The following CDC14A variants were observed in gnomAD, a reference collection of about 807,000 sequenced individuals.
CDC14A encodes the protein cell division cycle 14A, also known as dual specificity protein phosphatase CDC14A.
In CDC14A, 53 loss-of-function variants were observed where a neutral mutation model predicts 74.4. The ratio of observed to expected loss-of-function variants is 0.71; its 90% CI spans 0.57 to 0.89. CDC14A has a LOEUF of 0.89. Ranked by LOEUF, CDC14A falls within the 40% of genes least tolerant of loss-of-function variation. The probability of loss-of-function intolerance (pLI) is 0.00; values close to 1 mark genes in which losing one functional copy is unlikely to be tolerated. For missense variants in CDC14A, 646 were observed against 713.7 expected (o/e 0.91, Z 1.08); for synonymous variants, 247 against 258.4 (o/e 0.96, Z 0.43).
At chr1:100,472,228 C>CTATT (rs1317258430) in intron 10 of CDC14A, among the ~76,000 whole-genome samples, 1 of 152,150 alleles carries the variant, frequency 6.6e-6, no homozygotes, top group Non-Finnish European at 1.5e-5. Context: ...CCCTCATTAG[C>CTATT]TATTTCTTAT....
intron 4 of CDC14A, among the ~76,000 whole-genome samples, chr1:100,411,914 T>C (rs972431623): frequency 6.6e-6 from 1 of 152,136 alleles, no homozygotes; most frequent in Non-Finnish European, 1.5e-5. Flanking sequence ...AGATGCCCTC[T>C]TTGGGGTGGT....
chr1:100,377,817 C>T (rs1317918918), intron 3 of CDC14A, among the ~76,000 whole-genome samples, 196 bp downstream of exon 3: 3 of 152,170 alleles, frequency 2.0e-5, no homozygotes, highest in Non-Finnish European at 4.4e-5. Context: ...TTTCAGTTTT[C>T]AGAATGAATT....
chr1:100,467,407 G>T (rs1005993144), intron 9 of CDC14A, among the ~76,000 whole-genome samples: 1 of 148,878 alleles, frequency 6.7e-6, no homozygotes, highest in African/African-American at 2.5e-5. Context: ...ACACACGCGC[G>T]CACACACACA....
At chr1:100,477,180 T>C (rs1668985500) in intron 10 of CDC14A, among the ~76,000 whole-genome samples, 1 of 152,146 alleles carries the variant, frequency 6.6e-6, no homozygotes, top group Admixed American at 6.6e-5. Context: ...TCCAGATCTG[T>C]AAGAAAGTAA....
At chr1:100,417,935 T>C (rs1661737890) in intron 4 of CDC14A, among the ~76,000 whole-genome samples, 2 of 152,210 alleles carry the variant, frequency 1.3e-5, no homozygotes, top group African/African-American at 4.8e-5. Flanking sequence ...CTTGGTTACT[T>C]GAGCTCCAGA....
rs1181639723 is a variant in CDC14A, at chr1:100,491,570, A to ATTT, written c.1138-3247_1138-3246insTTT. Among the ~76,000 whole-genome samples the ATTT allele has an allele frequency of 3.6e-3, 231 of 64,898 alleles. 1 individual carries two copies. The highest frequency in any genetic ancestry group is 4.2e-3 in the African/African-American group (52 of 12,286). 42.6% of individuals were successfully genotyped at this position (64,898 alleles called of 152,430 possible). ...TCTCTATATATATATATATATATAT[A>ATTT]TATTTTTTTTTTTTTTTTTTTTTTT... is the stretch of plus-strand genomic sequence containing the variant. On this transcript the variant is annotated intron_variant, in intron 11 of 15. Transcript: ENST00000336454.
chr1:100,408,210 C>G (rs1335272360), intron 4 of CDC14A, among the ~76,000 whole-genome samples: 1 of 152,156 alleles, frequency 6.6e-6, no homozygotes, highest in African/African-American at 2.4e-5. Context: ...GGATTATGGC[C>G]TCCAGCTCCA....
chr1:100,426,496 C>T (rs1373783818), intron 5 of CDC14A, among the ~76,000 whole-genome samples: 1 of 152,086 alleles, frequency 6.6e-6, no homozygotes, highest in Non-Finnish European at 1.5e-5. Context: ...GAATTGATTT[C>T]AATTCTACAT....
upstream of CDC14A, among the ~76,000 whole-genome samples, chr1:100,350,727 T>C (rs57072565): frequency 1.6e-3 from 245 of 152,328 alleles, no homozygotes; most frequent in African/African-American, 5.8e-3. Context: ...TGAAAAATTG[T>C]TGGGGAATTT....
intron 15 of CDC14A, among the ~76,000 whole-genome samples, chr1:100,516,902 C>T (rs748751539): frequency 1.8e-4 from 28 of 152,160 alleles, no homozygotes; most frequent in Non-Finnish European, 3.4e-4. Context: ...ATAGCCAAAC[C>T]TTTTCCATTC....
intron 15 of CDC14A, among the ~76,000 whole-genome samples, chr1:100,517,516 ACTCT>A (rs1446053996): frequency 6.6e-6 from 1 of 151,784 alleles, no homozygotes; most frequent in East Asian, 1.9e-4. Context: ...ACTTTCTGTA[ACTCT>A]CTATCTTTTC....
intron 15 of CDC14A, chr1:100,504,803 T>G: frequency 6.5e-7 from 1 of 1,533,284 alleles, no homozygotes; most frequent in Non-Finnish European, 8.7e-7. Context: ...TCTTGTTTTC[T>G]TCTCCCACAG....
At chr1:100,353,416 G>T (rs775981541) in intron 1 of CDC14A, among the ~76,000 whole-genome samples, 10 of 152,262 alleles carry the variant, frequency 6.6e-5, no homozygotes, top group South Asian at 2.1e-4. Context: ...GCGTCGGGAG[G>T]CTCACCTCTT....
At position 100,496,139 on chromosome 1, in the gene CDC14A, T is replaced by C. The variant is rs1571341699; in HGVS notation, c.1298+90T>C. On this transcript the variant is annotated intron_variant, in intron 13 of 15. Transcript: ENST00000336454. Reference sequence around the variant, plus strand: ...CCAAGCCTCAAACACGAAAATCAACTGTACACAGCTTTTTGCTTTTTAAAT... The same window carrying C: ...CCAAGCCTCAAACACGAAAATCAACCGTACACAGCTTTTTGCTTTTTAAAT... 2.1e-5 allele frequency: 22 copies of C among 1,028,674 alleles called. No individual in the cohort carries two copies. The East Asian group carries it at 4.5e-4, about 21-fold the overall frequency. 63.7% of individuals were successfully genotyped at this position (1,028,674 alleles called of 1,614,324 possible). A position where few individuals can be genotyped will look rare whatever the true frequency, so the allele number is the denominator to read the frequency against.
chr1:100,414,700 A>C (rs1661301689), intron 4 of CDC14A, among the ~76,000 whole-genome samples: 1 of 152,126 alleles, frequency 6.6e-6, no homozygotes. Context: ...TTCTGGAGTG[A>C]GTCTGTTTTT....
At chr1:100,462,012 A>G (rs1336982012) in intron 8 of CDC14A, among the ~76,000 whole-genome samples, 1 of 152,192 alleles carries the variant, frequency 6.6e-6, no homozygotes, top group Non-Finnish European at 1.5e-5. Flanking sequence ...ATGTTGTACA[A>G]TAGATCTCTG....
intron 8 of CDC14A, 31 bp downstream of exon 8, chr1:100,455,523 A>AG (rs1410209205): frequency 8.9e-7 from 1 of 1,125,862 alleles, no homozygotes. Flanking sequence ...CCATCCAAAC[A>AG]TTTATTTTGA....
At chr1:100,358,435 T>C (rs753425067) in intron 2 of CDC14A, among the ~76,000 whole-genome samples, 2 of 152,234 alleles carry the variant, frequency 1.3e-5, no homozygotes, top group Non-Finnish European at 2.9e-5. Flanking sequence ...AGAAAGCCAG[T>C]TTGCTGGGAA....
chr1:100,509,935 C>T (rs180715707), intron 15 of CDC14A, among the ~76,000 whole-genome samples: 548 of 152,298 alleles, frequency 3.6e-3, no homozygotes, highest in Middle Eastern at 0.024. Flanking sequence ...TTGACCCATT[C>T]TATCTCATTT....
Sources: allele counts gnomAD v4.1 joint callset (sites outside exome capture counted in the v4.1 genomes callset), GRCh38; gene constraint gnomAD v4.1.1; transcripts MANE v1.5; gene names NCBI Gene and HGNC (gene_info 2026-07-23, HGNC 2026-07-21).